Variants in SORCS1 observed in about 807,000 individuals in gnomAD.
SORCS1 encodes sortilin related VPS10 domain containing receptor 1, also known as VPS10 domain-containing receptor SorCS1.
A neutral mutation model predicts 146.1 loss-of-function variants in SORCS1; 60 were observed. The observed-to-expected ratio is 0.41, with a 90% CI of 0.33 to 0.51. The LOEUF is 0.51. SORCS1 is among the 20% of genes least tolerant of loss of function. The pLI is 0.21. For synonymous variants in SORCS1, 637 were observed against 584.0 expected, an observed-to-expected ratio of 1.09 and a Z score of -1.31; for missense variants, 1,352 against 1,487.6, an observed-to-expected ratio of 0.91 and a Z score of 1.50.
chr10:106,592,591 C>G (rs772404910), intron 24 of SORCS1, among the ~76,000 whole-genome samples: 1 of 152,140 alleles, frequency 6.6e-6, no homozygotes, highest in African/African-American at 2.4e-5. Flanking sequence ...TGGGATGCAA[C>G]AGCATGTTGT....
chr10:107,094,848 G>T (rs1964439510), intron 1 of SORCS1, among the ~76,000 whole-genome samples: 1 of 152,188 alleles, frequency 6.6e-6, no homozygotes, highest in Non-Finnish European at 1.5e-5. Context: ...CCCTGACACA[G>T]CCAGCCCCTT....
Position 106,725,559 on chromosome 10 carries a change from AAAATAAAT to A in SORCS1, c.1024+4483_1024+4490del, listed in dbSNP as rs71025549. Among the ~76,000 whole-genome samples the A allele has an allele frequency of 2.6e-4, 37 of 144,622 alleles. No homozygotes were observed. In the East Asian group the frequency reaches 5.7e-3, roughly 22 times the overall value. The allele number at this position is 144,622 out of a possible 152,430, so 94.9% of individuals were successfully genotyped here. A position where few individuals can be genotyped will look rare whatever the true frequency, so the allele number is the denominator to read the frequency against. ...AGAGCAAAACTCCATCACATACACA[AAAATAAAT>A]AAATAAATAAATAAATAAATAATAA... On this transcript the variant is annotated intron_variant, in intron 6 of 25. Coordinates refer to ENST00000263054, the MANE Select transcript of SORCS1 (RefSeq NM_052918.5).
chr10:106,747,031 T>C (rs1046195578), intron 5 of SORCS1, among the ~76,000 whole-genome samples: 4 of 152,232 alleles, frequency 2.6e-5, no homozygotes, highest in African/African-American at 9.6e-5. Flanking sequence ...GTTCAGCACA[T>C]GATAATGGCT....
At chr10:106,605,196 T>A (rs1589452641) in intron 23 of SORCS1, among the ~76,000 whole-genome samples, 1 of 152,216 alleles carries the variant, frequency 6.6e-6, no homozygotes, top group African/African-American at 2.4e-5. Context: ...TCTCTGAGAA[T>A]GCCTTTGCAG....
intron 16 of SORCS1, among the ~76,000 whole-genome samples, chr10:106,669,233 G>C (rs577799233): frequency 2.0e-5 from 3 of 146,640 alleles, no homozygotes; most frequent in African/African-American, 5.2e-5. Flanking sequence ...GCTTACAATT[G>C]AAAAAGAAAA....
chr10:107,023,372 C>A (rs1564937687), intron 1 of SORCS1, among the ~76,000 whole-genome samples: 1 of 152,174 alleles, frequency 6.6e-6, no homozygotes, highest in Admixed American at 6.5e-5. Flanking sequence ...ACTCTGTCCC[C>A]AAACCACTTC....
rs75277605 is a variant in SORCS1, at chr10:106,759,302, G to T, written c.959+2286C>A. ...TGCCCTCATTACAGGGAGATCATTG[G>T]CTCCTAAAAGGTCACTGTCACAGTG... On this transcript the variant is annotated intron_variant, in intron 5 of 25. Coordinates refer to ENST00000263054, the MANE Select transcript of SORCS1 (RefSeq NM_052918.5). Among the ~76,000 whole-genome samples, 396 of 152,236 alleles carry T rather than the reference G, an allele frequency of 2.6e-3. 3 individuals carry two copies. The highest frequency in any genetic ancestry group is 8.9e-3 in the African/African-American group (368 of 41,538).
chr10:106,752,292 A>T (rs1858314737), intron 5 of SORCS1, among the ~76,000 whole-genome samples: 1 of 152,192 alleles, frequency 6.6e-6, no homozygotes, highest in Non-Finnish European at 1.5e-5. Context: ...AGGAAGAACT[A>T]AAGAAGGCTC....
rs570926294 is a variant in SORCS1 at position 106,745,967 on chromosome 10, A to T, written c.959+15621T>A. Among the ~76,000 whole-genome samples the T allele has an allele frequency of 2.0e-5, 3 of 152,356 alleles. No homozygotes were observed. The East Asian group carries it at 5.8e-4, about 29-fold the overall frequency. ...CAATCTATAACCCTGTAATCATGAG[A>T]AAATATCAGACTAACTAACCCAATT... On this transcript the variant is annotated intron_variant, in intron 5 of 25. Coordinates refer to ENST00000263054, the MANE Select transcript of SORCS1 (RefSeq NM_052918.5).
In SORCS1 at chr10:107,164,569, G is replaced by A. The variant is rs1414547225; in HGVS notation, c.-43C>T. On this transcript the variant is annotated 5_prime_UTR_variant, in exon 1 of 26. Transcript: ENST00000263054. This position sits in a 1 kb window ranked among gnomAD's most constrained non-coding sequence, Gnocchi z 6.8. ...GCGGAGAGAGGGGTCCCAGAACGAA[G>A]GTGGCGGCACGAGCTCTGCGCTGGC... The A allele has an allele frequency of 7.6e-7, 1 of 1,314,314 alleles. No homozygotes were observed. Among genetic ancestry groups the A allele is most frequent in the Non-Finnish European group, 9.7e-7 (1 of 1,035,076 alleles). The allele number at this position is 1,314,314 out of a possible 1,614,324, so 81.4% of individuals were successfully genotyped here. A position where few individuals can be genotyped will look rare whatever the true frequency, so the allele number is the denominator to read the frequency against.
chr10:106,996,245 A>AG (rs1274883755), intron 1 of SORCS1, among the ~76,000 whole-genome samples: 1 of 47,608 alleles, frequency 2.1e-5, no homozygotes, highest in African/African-American at 7.7e-5. Context: ...AAAAAAAAAA[A>AG]AAAATAGAAT....
chr10:107,163,192 A>G (rs559083965), intron 1 of SORCS1, among the ~76,000 whole-genome samples: 1 of 152,180 alleles, frequency 6.6e-6, no homozygotes, highest in Non-Finnish European at 1.5e-5. Context: ...CATAAAGGGA[A>G]TGTTAAGTCT....
chr10:106,942,309 T>C (rs1845394736), intron 2 of SORCS1, among the ~76,000 whole-genome samples: 1 of 152,126 alleles, frequency 6.6e-6, no homozygotes, highest in Admixed American at 6.5e-5. Context: ...CGGCTTCCCT[T>C]TCTTCTTTCT....
In SORCS1 at chr10:106,787,153, A is replaced by T. The variant is rs191109589; in HGVS notation, c.727-10461T>A. ...CTAGGCATTATAATCCCCTCATTTA[A>T]TTAAGGATCTGATATCATGAAATAT... On this transcript the variant is annotated intron_variant, in intron 3 of 25. Transcript: ENST00000263054. Among the ~76,000 whole-genome samples the T allele has an allele frequency of 7.2e-4, 109 of 152,318 alleles. 1 individual carries two copies. Among genetic ancestry groups the T allele is most frequent in the Non-Finnish European group, 2.9e-5 (2 of 68,018 alleles).
At chr10:107,021,984 A>C (rs913206045) in intron 1 of SORCS1, among the ~76,000 whole-genome samples, 3 of 152,164 alleles carry the variant, frequency 2.0e-5, no homozygotes, top group African/African-American at 7.2e-5. Flanking sequence ...AGCTCTGCCA[A>C]CTCCTACTTG....
chr10:107,106,896 A>T (rs1042262602), intron 1 of SORCS1, among the ~76,000 whole-genome samples: 1 of 152,142 alleles, frequency 6.6e-6, no homozygotes, highest in Non-Finnish European at 1.5e-5. Flanking sequence ...ACAAAGAGAA[A>T]ATGGCCATTT....
chr10:106,799,048 C>G (rs1033966541), intron 3 of SORCS1, among the ~76,000 whole-genome samples: 3 of 152,140 alleles, frequency 2.0e-5, no homozygotes, highest in Non-Finnish European at 4.4e-5. Context: ...ATCAACGGAA[C>G]AGAACAGAGC....
At chr10:106,833,925 C>G (rs1269871088) in intron 2 of SORCS1, among the ~76,000 whole-genome samples, 4 of 152,214 alleles carry the variant, frequency 2.6e-5, no homozygotes, top group Non-Finnish European at 5.9e-5. Flanking sequence ...TCCCGAGTAG[C>G]TGGGACTACA....
At chr10:106,947,343 T>C (rs968185048) in intron 2 of SORCS1, among the ~76,000 whole-genome samples, 5 of 152,216 alleles carry the variant, frequency 3.3e-5, no homozygotes, top group Admixed American at 6.5e-5. Flanking sequence ...AGTAAAAGGA[T>C]ATGTTTACAG....
Sources: gnomAD v4.1 joint callset for allele counts (sites outside exome capture counted in the v4.1 genomes callset) on GRCh38, gnomAD v4.1.1 for gene constraint, Gnocchi (gnomAD v3.1) non-coding constraint, MANE v1.5 for transcripts, NCBI Gene and HGNC (gene_info 2026-07-23, HGNC 2026-07-21) for gene names.